COBL: variants seen among roughly 807,000 people sequenced by gnomAD.
The protein encoded by COBL is cordon-bleu WH2 repeat protein.
COBL carries 51 observed loss-of-function variants against 98.8 expected under a neutral mutation model. That is an observed-to-expected ratio of 0.52 (90% CI 0.41 to 0.65). COBL has a LOEUF of 0.65. Ranked by LOEUF, COBL falls within the 30% of genes least tolerant of loss-of-function variation. The pLI is 0.00. For missense variants in COBL, 1,617 were observed against 1,617.5 expected (o/e 1.00, Z 0.01); for synonymous variants, 634 against 651.7 (o/e 0.97, Z 0.41).
At chr7:51,256,713 A>T (rs1030963475) in intron 1 of COBL, among the ~76,000 whole-genome samples, 3 of 152,252 alleles carry the variant, frequency 2.0e-5, no homozygotes, top group Admixed American at 6.5e-5. Context: ...ATGAAAGCCC[A>T]GAGAAGCTGT....
At chr7:51,212,735 G>A (rs1563045703) in intron 2 of COBL, among the ~76,000 whole-genome samples, 3 of 152,214 alleles carry the variant, frequency 2.0e-5, no homozygotes, top group Admixed American at 6.5e-5. Context: ...ATGCACCATA[G>A]CAAGGGATTG....
chr7:51,242,402 A>C (rs1209153780), intron 1 of COBL, among the ~76,000 whole-genome samples: 2 of 152,190 alleles, frequency 1.3e-5, no homozygotes. Flanking sequence ...TCATTGCTTC[A>C]TTCTTTCCTT....
At chr7:51,018,905 A>AAAAATAT (rs1554345519) in intron 12 of COBL, among the ~76,000 whole-genome samples, 3 of 34,436 alleles carry the variant, frequency 8.7e-5, no homozygotes, top group African/African-American at 2.5e-4. Context: ...AAAAAAAAAA[A>AAAAATAT]ATATATATAT....
At chr7:51,277,017 C>A (rs141096835) in intron 1 of COBL, among the ~76,000 whole-genome samples, 1 of 152,134 alleles carries the variant, frequency 6.6e-6, no homozygotes, top group Non-Finnish European at 1.5e-5. Context: ...AATGACACAG[C>A]CCTCCTGTCC....
intron 5 of COBL, among the ~76,000 whole-genome samples, chr7:51,146,583 T>C (rs1198188396): frequency 6.9e-6 from 1 of 144,378 alleles, no homozygotes; most frequent in Admixed American, 7.6e-5. Flanking sequence ...TAAGATATTA[T>C]CTCTTGTTGG....
Position 51,140,812 on chromosome 7 carries a change from G to A in COBL, c.784-4481C>T, listed in dbSNP as rs768413387. Among the ~76,000 whole-genome samples, 17 of 152,262 alleles carry A rather than the reference G, an allele frequency of 1.1e-4. 1 individual carries two copies. The South Asian group carries it at 3.1e-3, about 28-fold the overall frequency. ...GGCTCACAGGTACCGCAGAGAACACGTTGTCTCCCTCGCTCATTGACTTAT... is the reference window on the plus strand; with the variant it reads ...GGCTCACAGGTACCGCAGAGAACACATTGTCTCCCTCGCTCATTGACTTAT... On this transcript the variant is annotated intron_variant, in intron 5 of 12. Transcript: ENST00000265136.
At chr7:51,124,016 C>A (rs1797980545) in intron 6 of COBL, among the ~76,000 whole-genome samples, 2 of 152,180 alleles carry the variant, frequency 1.3e-5, no homozygotes, top group African/African-American at 4.8e-5. Flanking sequence ...TGGGACCTCA[C>A]TTTCCCTTTG....
At chr7:51,103,500 T>C (rs1204936287) in intron 6 of COBL, among the ~76,000 whole-genome samples, 2 of 152,200 alleles carry the variant, frequency 1.3e-5, no homozygotes, top group African/African-American at 2.4e-5. Context: ...CCGCCCTTTT[T>C]TGGTTTCTCA....
At chr7:51,044,208 A>G (rs1789474827) in intron 7 of COBL, among the ~76,000 whole-genome samples, 1 of 152,076 alleles carries the variant, frequency 6.6e-6, no homozygotes, top group Non-Finnish European at 1.5e-5. Flanking sequence ...GCTCTCCCTT[A>G]ATTTTTACAT....
Position 51,028,261 on chromosome 7 carries a change from T to A in COBL, c.2835A>T (p.Ala945=), listed in dbSNP as rs774194451. The A allele has an allele frequency of 2.2e-5, 35 of 1,614,042 alleles. No homozygotes were observed. The highest frequency in any genetic ancestry group is 2.9e-5 in the Non-Finnish European group (34 of 1,179,990). The change falls in exon 10 of 13, where the codon GCA becomes GCT. Residue 945 remains alanine, a synonymous_variant. Coordinates refer to ENST00000265136, the MANE Select transcript of COBL (RefSeq NM_015198.5). ...CCTCCCCCCTAGGAGGGGCTCCCAC[T>A]GCCAAATCTTCCCCGTGGTTGTTGG... ...TPPNNHGEDL[A]VGAPPRGEVI...
intron 7 of COBL, chr7:51,065,335 T>C: frequency 1.4e-6 from 1 of 703,548 alleles, no homozygotes; most frequent in Non-Finnish European, 2.6e-6. Flanking sequence ...TTCAGGATTG[T>C]GTAGAGAACT....
At chr7:51,024,177 C>T (rs112826922) in intron 12 of COBL, among the ~76,000 whole-genome samples, 26,147 of 151,736 alleles carry the variant, frequency 0.17, 2,503 homozygotes, top group Admixed American at 0.23. Flanking sequence ...GGCGTGGTGG[C>T]GGGCGCCTGT....
At chr7:51,114,238 G>A (rs1274753289) in intron 6 of COBL, among the ~76,000 whole-genome samples, 1 of 152,082 alleles carries the variant, frequency 6.6e-6, no homozygotes, top group Non-Finnish European at 1.5e-5. Flanking sequence ...AGAACCCCCA[G>A]GGATGACTTT....
intron 6 of COBL, among the ~76,000 whole-genome samples, chr7:51,131,593 CTT>C (rs369394848): frequency 2.9e-5 from 4 of 139,354 alleles, no homozygotes; most frequent in Non-Finnish European, 1.6e-5. Context: ...GATTCTTCTT[CTT>C]TTTTTTTTTT....
At chr7:51,284,885 C>T (rs901450925) in intron 1 of COBL, among the ~76,000 whole-genome samples, 1 of 151,010 alleles carries the variant, frequency 6.6e-6, no homozygotes, top group African/African-American at 2.4e-5. Flanking sequence ...CAAAGAAAGA[C>T]TGAATGTTTT....
chr7:51,261,610 C>T (rs907241461), intron 1 of COBL, among the ~76,000 whole-genome samples: 36 of 152,182 alleles, frequency 2.4e-4, no homozygotes, highest in Non-Finnish European at 4.3e-4. Context: ...TGATGCCTGA[C>T]AGGGAGGATG....
Position 51,025,117 on chromosome 7 carries a change from G to C in COBL, c.3760C>G (p.Leu1254Val). The change falls in exon 12 of 13, where the codon CTG becomes GTG. Residue 1254 changes from leucine (L) to valine (V), a missense_variant. Around this residue, in one of 3 missense-constraint regions of COBL, gnomAD observed 1,304 missense variants for 1,282.0 expected, o/e 1.02. Transcript: ENST00000265136. ...CACACAGTCGCCATCACCTTTCTCA[G>C]TCTCGCAGCCCCTGTGCCGGAGCGG... Reference protein sequence around the residue: ...AIRSGTGAARLRKVPLLV With the variant: ...AIRSGTGAARVRKVPLLV The C allele has an allele frequency of 2.5e-6, 4 of 1,611,926 alleles. No homozygotes were observed. Among genetic ancestry groups the C allele is most frequent in the Middle Eastern group, 2.3e-4 (1 of 4,430 alleles).
At chr7:51,133,612 C>T (rs534109636) in intron 6 of COBL, among the ~76,000 whole-genome samples, 10 of 152,306 alleles carry the variant, frequency 6.6e-5, no homozygotes, top group Middle Eastern at 6.8e-3. Context: ...TCTCAGAAAT[C>T]CTGAGAGCAT....
intron 10 of COBL, among the ~76,000 whole-genome samples, chr7:51,027,029 C>A (rs1001006961): frequency 6.6e-6 from 1 of 152,178 alleles, no homozygotes; most frequent in African/African-American, 2.4e-5. Context: ...AATGGCAGAC[C>A]ACTCCTGCTA....
Sources: allele counts gnomAD v4.1 joint callset (sites outside exome capture counted in the v4.1 genomes callset), GRCh38; gene constraint gnomAD v4.1.1; regional missense constraint gnomAD v4.1.1; transcripts MANE v1.5; gene names NCBI Gene and HGNC (gene_info 2026-07-23, HGNC 2026-07-21).